The following ARHGAP21 variants were observed in gnomAD, a reference collection of about 807,000 sequenced individuals.
ARHGAP21 encodes the protein Rho GTPase activating protein 21.
ARHGAP21 carries 38 observed loss-of-function variants against 164.6 expected under a neutral mutation model. The ratio of observed to expected loss-of-function variants is 0.23; its 90% CI spans 0.18 to 0.30. The LOEUF (loss-of-function observed/expected upper bound fraction) is 0.30. Among genes scored for constraint, ARHGAP21 ranks in the 10% least tolerant of loss-of-function variants. The probability of loss-of-function intolerance (pLI) is 1.00; values close to 1 mark genes in which losing one functional copy is unlikely to be tolerated. For synonymous variants in ARHGAP21, 766 were observed against 857.9 expected, an observed-to-expected ratio of 0.89 and a Z score of 1.87; for missense variants, 1,822 against 2,370.7, an observed-to-expected ratio of 0.77 and a Z score of 4.81.
chr10:24,595,688 T>TC, intron 19 of ARHGAP21, 29 bp downstream of exon 19: 1 of 1,582,742 alleles, frequency 6.3e-7, no homozygotes, highest in South Asian at 1.1e-5. Flanking sequence ...AACCATTTCA[T>TC]CTGGTATCTT....
chr10:24,592,041 C>A (rs2076352161), intron 21 of ARHGAP21, 29 bp from the exon 22 acceptor site: 1 of 1,513,540 alleles, frequency 6.6e-7, no homozygotes, highest in Non-Finnish European at 8.9e-7. Flanking sequence ...CTGGGAAATA[C>A]CAGAATTTTT....
At chr10:24,687,211 A>G (rs1400163310) in intron 2 of ARHGAP21, among the ~76,000 whole-genome samples, 2 of 152,168 alleles carry the variant, frequency 1.3e-5, no homozygotes, top group African/African-American at 4.8e-5. Flanking sequence ...TGTAGAGAGT[A>G]CCTTTACTGT....
chr10:24,617,279 TCCAGC>T (rs1834044074), intron 9 of ARHGAP21, among the ~76,000 whole-genome samples: 1 of 152,204 alleles, frequency 6.6e-6, no homozygotes, highest in Admixed American at 6.5e-5. Context: ...AACAGATATA[TCCAGC>T]ACATTTTTTT....
At chr10:24,586,245 T>C in intron 25 of ARHGAP21, 139 bp from the exon 26 acceptor site, 1 of 1,135,096 alleles carries the variant, frequency 8.8e-7, no homozygotes, top group Non-Finnish European at 1.2e-6. Context: ...AATTAGCTTT[T>C]TTTTTAATAC....
chr10:24,717,494 G>A (rs1845502069), intron 2 of ARHGAP21, among the ~76,000 whole-genome samples: 1 of 152,104 alleles, frequency 6.6e-6, no homozygotes, highest in African/African-American at 2.4e-5. Flanking sequence ...TTGCGGGTCA[G>A]GGAAGGCTTT....
intron 2 of ARHGAP21, among the ~76,000 whole-genome samples, chr10:24,696,188 C>T (rs577787418): frequency 3.9e-5 from 6 of 152,260 alleles, no homozygotes; most frequent in South Asian, 2.1e-4. Flanking sequence ...GCCCTATGGG[C>T]GCCCTAGCTT....
chr10:24,648,590 G>A (rs1197432663), intron 4 of ARHGAP21, among the ~76,000 whole-genome samples: 1 of 152,108 alleles, frequency 6.6e-6, no homozygotes, highest in Non-Finnish European at 1.5e-5. Context: ...AGACAGCGTG[G>A]CCAACACGGT....
intron 2 of ARHGAP21, among the ~76,000 whole-genome samples, chr10:24,695,397 C>T (rs758773023): frequency 2.0e-5 from 3 of 151,812 alleles, no homozygotes; most frequent in Non-Finnish European, 2.9e-5. Flanking sequence ...GGCAAAACCC[C>T]GTCTCTACTA....
intron 2 of ARHGAP21, among the ~76,000 whole-genome samples, chr10:24,681,416 G>C (rs1841741798): frequency 1.3e-5 from 2 of 152,238 alleles, no homozygotes; most frequent in Non-Finnish European, 2.9e-5. Context: ...AAATGCAAGG[G>C]AATTATAAAA....
chr10:24,650,911 T>C (rs992266156), intron 4 of ARHGAP21, among the ~76,000 whole-genome samples: 1 of 151,868 alleles, frequency 6.6e-6, no homozygotes, highest in Non-Finnish European at 1.5e-5. Flanking sequence ...AAGTAATGGC[T>C]GAGAGACTGA....
At chr10:24,668,320 C>T (rs1297531401) in intron 3 of ARHGAP21, among the ~76,000 whole-genome samples, 1 of 152,208 alleles carries the variant, frequency 6.6e-6, no homozygotes, top group Non-Finnish European at 1.5e-5. Flanking sequence ...GTGAAGTTTG[C>T]ACATTCTCCC....
chr10:24,601,888 A>T (rs908141922), intron 13 of ARHGAP21, 90 bp downstream of exon 13: 4 of 1,292,106 alleles, frequency 3.1e-6, no homozygotes, highest in Admixed American at 2.9e-5. Flanking sequence ...TTTAATCTGG[A>T]TATCATGCCA....
At chr10:24,587,673 T>G (rs1242093876) in intron 25 of ARHGAP21, among the ~76,000 whole-genome samples, 3 of 152,228 alleles carry the variant, frequency 2.0e-5, no homozygotes, top group Non-Finnish European at 4.4e-5. Flanking sequence ...TTGGGAGACC[T>G]TGATGTCCAT....
chr10:24,678,660 G>A (rs1841498225), intron 2 of ARHGAP21, among the ~76,000 whole-genome samples: 1 of 152,020 alleles, frequency 6.6e-6, no homozygotes, highest in Non-Finnish European at 1.5e-5. Flanking sequence ...CCGCCATCAT[G>A]CCTGGCTGCC....
chr10:24,656,335 G>T (rs1320186829), intron 4 of ARHGAP21, among the ~76,000 whole-genome samples: 1 of 104,444 alleles, frequency 9.6e-6, no homozygotes, highest in Non-Finnish European at 2.0e-5. Flanking sequence ...GTCCGGGAGG[G>T]AGATGGGGGG....
At chr10:24,636,485 G>T (rs563480177) in intron 4 of ARHGAP21, among the ~76,000 whole-genome samples, 8 of 152,316 alleles carry the variant, frequency 5.3e-5, no homozygotes, top group African/African-American at 1.9e-4. Flanking sequence ...ATGTAACTGA[G>T]AAAATAAGGC....
In ARHGAP21 at chr10:24,611,754, C is replaced by T. The variant is rs183338859; in HGVS notation, c.2423-3851G>A. On this transcript the variant is annotated intron_variant, in intron 9 of 25. Transcript: ENST00000396432. ...AAAAAAGGAAAAAGAAAAACTCACT[C>T]TTGATGTCATTACTTGGGTATCTGG... Among the ~76,000 whole-genome samples the T allele has an allele frequency of 4.9e-4, 75 of 152,120 alleles. 1 individual carries two copies. Among genetic ancestry groups the T allele is most frequent in the Admixed American group, 1.2e-3 (18 of 15,256 alleles).
chr10:24,689,329 C>T (rs1474173411), intron 2 of ARHGAP21, among the ~76,000 whole-genome samples: 1 of 152,024 alleles, frequency 6.6e-6, no homozygotes, highest in Admixed American at 6.6e-5. Context: ...TTAGGATACA[C>T]CAGAAAATAA....
intron 4 of ARHGAP21, among the ~76,000 whole-genome samples, chr10:24,657,944 AC>A (rs1409380495): frequency 7.2e-6 from 1 of 137,992 alleles, no homozygotes; most frequent in Non-Finnish European, 1.5e-5. Flanking sequence ...GCCTAGGAAA[AC>A]CAGAGACCTT....
Sources: allele counts gnomAD v4.1 joint callset (sites outside exome capture counted in the v4.1 genomes callset), GRCh38; gene constraint gnomAD v4.1.1; transcripts MANE v1.5; gene names NCBI Gene and HGNC (gene_info 2026-07-23, HGNC 2026-07-21).